The following NOL4 variants were observed in gnomAD, a reference collection of about 807,000 sequenced individuals.
NOL4 encodes the protein cancer/testis antigen 125.
In NOL4, 17 loss-of-function variants were observed where a neutral mutation model predicts 75.9. The ratio of observed to expected loss-of-function variants is 0.22; its 90% CI spans 0.15 to 0.34. NOL4 has a LOEUF of 0.34. NOL4 is among the 10% of genes least tolerant of loss of function. NOL4 has a pLI of 1.00. For missense variants in NOL4, 614 were observed against 793.5 expected, an observed-to-expected ratio of 0.77 and a Z score of 2.72; for synonymous variants, 292 against 289.9, an observed-to-expected ratio of 1.01 and a Z score of -0.07.
intron 5 of NOL4, among the ~76,000 whole-genome samples, chr18:34,053,417 C>A (rs952145894): frequency 6.6e-6 from 1 of 151,884 alleles, no homozygotes; most frequent in East Asian, 1.9e-4. Context: ...TCAGCTGGGA[C>A]AACCAGTAGG....
chr18:34,052,212 T>C (rs919782788), intron 5 of NOL4, among the ~76,000 whole-genome samples: 1 of 152,092 alleles, frequency 6.6e-6, no homozygotes, highest in African/African-American at 2.4e-5. Flanking sequence ...TAATCCATTA[T>C]AGGTTTACAA....
chr18:33,901,384 AGGG>A (rs2065741252), intron 9 of NOL4, among the ~76,000 whole-genome samples: 1 of 152,176 alleles, frequency 6.6e-6, no homozygotes, highest in African/African-American at 2.4e-5. Context: ...AATGGTTAAC[AGGG>A]AAATAAATTT....
intron 1 of NOL4, among the ~76,000 whole-genome samples, chr18:34,189,388 C>G (rs1325128981): frequency 6.6e-6 from 1 of 152,146 alleles, no homozygotes; most frequent in Non-Finnish European, 1.5e-5. Flanking sequence ...AAGGCCCCAC[C>G]TCTGAACACT....
intron 5 of NOL4, among the ~76,000 whole-genome samples, chr18:34,051,501 G>A (rs1342571003): frequency 6.6e-6 from 1 of 152,080 alleles, no homozygotes; most frequent in East Asian, 1.9e-4. Flanking sequence ...ATCTTTGACT[G>A]TGAATAACAA....
At chr18:34,139,443 AG>A (rs1417639465) in intron 1 of NOL4, among the ~76,000 whole-genome samples, 2 of 152,126 alleles carry the variant, frequency 1.3e-5, no homozygotes, top group African/African-American at 4.8e-5. Context: ...TATTTCTTCT[AG>A]ATTTTCTAGT....
chr18:34,073,621 T>G (rs2077615016), intron 5 of NOL4, among the ~76,000 whole-genome samples: 1 of 151,934 alleles, frequency 6.6e-6, no homozygotes, highest in Non-Finnish European at 1.5e-5. Flanking sequence ...ATATTTTCCA[T>G]CTGCAGTTGG....
At chr18:34,212,421 T>A (rs1456161006) in intron 1 of NOL4, among the ~76,000 whole-genome samples, 2 of 152,240 alleles carry the variant, frequency 1.3e-5, no homozygotes, top group African/African-American at 4.8e-5. Context: ...ATACGCTTGT[T>A]AAAAATTGAC....
At chr18:34,057,302 G>A (rs2076871501) in intron 5 of NOL4, among the ~76,000 whole-genome samples, 1 of 152,088 alleles carries the variant, frequency 6.6e-6, no homozygotes, top group Non-Finnish European at 1.5e-5. Flanking sequence ...ACACTCACGA[G>A]CACACATAAT....
At chr18:33,892,550 G>A (rs769402345) in intron 9 of NOL4, among the ~76,000 whole-genome samples, 1 of 152,080 alleles carries the variant, frequency 6.6e-6, no homozygotes, top group Admixed American at 6.6e-5. Context: ...TTCACAAGAA[G>A]ATAATATTAA....
intron 1 of NOL4, among the ~76,000 whole-genome samples, chr18:34,217,190 T>G (rs1229160543): frequency 6.6e-6 from 1 of 152,152 alleles, no homozygotes; most frequent in Non-Finnish European, 1.5e-5. Flanking sequence ...TAACAGTCAT[T>G]TTTTCTTCCA....
chr18:34,156,926 C>A (rs2030516645), intron 1 of NOL4: 1 of 152,256 alleles, frequency 6.6e-6, no homozygotes, highest in African/African-American at 2.4e-5. Flanking sequence ...ACTCACTACA[C>A]CCCACTGTCC....
intron 1 of NOL4, among the ~76,000 whole-genome samples, chr18:34,168,812 C>A (rs1039582303): frequency 6.6e-6 from 1 of 150,396 alleles, no homozygotes; most frequent in Non-Finnish European, 1.5e-5. Context: ...AAATTCCAAA[C>A]CAATCAAGAG....
At chr18:34,045,677 T>C (rs766214039) in intron 5 of NOL4, among the ~76,000 whole-genome samples, 2 of 152,164 alleles carry the variant, frequency 1.3e-5, no homozygotes, top group African/African-American at 4.8e-5. Flanking sequence ...ACTTATAGCA[T>C]ATAGATAAAA....
chr18:34,186,290 AAACAAC>A (rs906676857), intron 1 of NOL4, among the ~76,000 whole-genome samples: 2 of 152,102 alleles, frequency 1.3e-5, no homozygotes, highest in Non-Finnish European at 2.9e-5. Flanking sequence ...ACAAACAAAC[AAACAAC>A]AACAACAACA....
chr18:34,103,627 A>C (rs1461106570), intron 4 of NOL4, among the ~76,000 whole-genome samples: 1 of 152,070 alleles, frequency 6.6e-6, no homozygotes, highest in Non-Finnish European at 1.5e-5. Context: ...ATGATGGAGA[A>C]ATGATAATAC....
At chr18:34,182,316 G>T (rs1341597525) in intron 1 of NOL4, among the ~76,000 whole-genome samples, 2 of 151,542 alleles carry the variant, frequency 1.3e-5, no homozygotes, top group African/African-American at 4.8e-5. Context: ...TTCCCATACT[G>T]TATCAATACA....
chr18:33,933,063 T>C (rs2067809070), intron 9 of NOL4, among the ~76,000 whole-genome samples: 1 of 152,142 alleles, frequency 6.6e-6, no homozygotes, highest in Non-Finnish European at 1.5e-5. Flanking sequence ...TCAGAGATAC[T>C]GAAAGTTCCG....
intron 5 of NOL4, among the ~76,000 whole-genome samples, chr18:34,067,401 A>C (rs531972699): frequency 4.1e-4 from 62 of 152,268 alleles, no homozygotes; most frequent in Non-Finnish European, 7.8e-4. Flanking sequence ...GCTTTGAGTA[A>C]AAAAAGCCAT....
intron 9 of NOL4, among the ~76,000 whole-genome samples, chr18:33,892,499 A>C (rs949114120): frequency 2.6e-5 from 4 of 152,132 alleles, no homozygotes; most frequent in Non-Finnish European, 5.9e-5. Flanking sequence ...CAAAGTTCTC[A>C]CAGCTGACAG....
Sources: gnomAD v4.1 joint callset for allele counts (sites outside exome capture counted in the v4.1 genomes callset) on GRCh38, gnomAD v4.1.1 for gene constraint, MANE v1.5 for transcripts, NCBI Gene and HGNC (gene_info 2026-07-23, HGNC 2026-07-21) for gene names.